The following CDKL4 variants were observed in gnomAD, a reference collection of about 807,000 sequenced individuals.
CDKL4 encodes the protein cyclin dependent kinase like 4.
Under a neutral mutation model 42.0 loss-of-function variants are expected in CDKL4, and 44 were observed. That is an observed-to-expected ratio of 1.05 (90% confidence interval 0.82 to 1.35). CDKL4 has a LOEUF of 1.35. Among genes scored for constraint, CDKL4 ranks in the 40% most tolerant of loss-of-function variants. The pLI, the probability that CDKL4 is intolerant of heterozygous loss-of-function variation, is 0.00. For missense variants in CDKL4, 393 were observed against 369.9 expected, an observed-to-expected ratio of 1.06 and a Z score of -0.51; for synonymous variants, 120 against 121.6, an observed-to-expected ratio of 0.99 and a Z score of 0.09.
downstream of CDKL4, among the ~76,000 whole-genome samples, chr2:39,172,236 C>A (rs545592126): frequency 1.3e-5 from 2 of 151,206 alleles, no homozygotes; most frequent in African/African-American, 2.4e-5. Flanking sequence ...CATTTGACCC[C>A]GGGAGGCAGA....
At chr2:39,210,303 T>G (rs982282496) in intron 4 of CDKL4, among the ~76,000 whole-genome samples, 7 of 152,200 alleles carry the variant, frequency 4.6e-5, no homozygotes, top group African/African-American at 1.7e-4. Flanking sequence ...AAAAATTACC[T>G]ATTTTTAATA....
At chr2:39,229,101 G>A (rs2148392629) in intron 2 of CDKL4, among the ~76,000 whole-genome samples, 1 of 152,216 alleles carries the variant, frequency 6.6e-6, no homozygotes, top group Admixed American at 6.5e-5. Context: ...GGGGGCGAGC[G>A]TAAACACTGG....
At chr2:39,169,380 G>T in the CDKL4 span, among the ~76,000 whole-genome samples, 8 of 152,310 alleles carry the variant, frequency 5.3e-5, no homozygotes, top group South Asian at 1.0e-3. Flanking sequence ...AGCTAGTAGG[G>T]TGTAGTCGTG....
At chr2:39,195,078 G>T (rs953706296) in intron 5 of CDKL4, among the ~76,000 whole-genome samples, 1 of 152,064 alleles carries the variant, frequency 6.6e-6, no homozygotes, top group South Asian at 2.1e-4. Context: ...GTCCTTTTCT[G>T]TCTGTCTTAT....
chr2:39,217,070 G>C (rs1339248760), intron 3 of CDKL4, among the ~76,000 whole-genome samples: 1 of 152,140 alleles, frequency 6.6e-6, no homozygotes, highest in African/African-American at 2.4e-5. Context: ...ATCAAAGAGA[G>C]TACACATCGA....
At chr2:39,212,845 G>C (rs900564173) in intron 4 of CDKL4, among the ~76,000 whole-genome samples, 1 of 151,816 alleles carries the variant, frequency 6.6e-6, no homozygotes, top group Non-Finnish European at 1.5e-5. Context: ...TTTTTTCATA[G>C]AGATAGAGTT....
chr2:39,242,588 A>G (rs1466343852), intron 1 of CDKL4, among the ~76,000 whole-genome samples: 25 of 152,200 alleles, frequency 1.6e-4, no homozygotes, highest in Admixed American at 1.6e-3. Flanking sequence ...AAGGGTTTGC[A>G]AAATGATGTA....
upstream of CDKL4, among the ~76,000 whole-genome samples, chr2:39,244,308 G>T (rs1041351079): frequency 1.3e-5 from 2 of 152,250 alleles, no homozygotes; most frequent in Non-Finnish European, 2.9e-5. Flanking sequence ...GGCTGCGCAC[G>T]GCGCTTGCGG....
intron 5 of CDKL4, among the ~76,000 whole-genome samples, chr2:39,203,479 G>A (rs995593639): frequency 1.3e-5 from 2 of 152,092 alleles, no homozygotes; most frequent in Admixed American, 6.5e-5. Context: ...CTATGACACC[G>A]CATCTATACC....
Position 39,201,219 on chromosome 2 carries a change from A to T in CDKL4, c.454+3308T>A, listed in dbSNP as rs56784022. Among the ~76,000 whole-genome samples, 203 of 152,212 alleles carry T rather than the reference A, an allele frequency of 1.3e-3. 3 individuals are homozygous for T. In the East Asian group the frequency reaches 0.02, roughly 15 times the overall value. ...AACAAAAACATGAAAAAAATGCTCA[A>T]CATCACTAATTATCAGGGAAACGCA... On this transcript the variant is annotated intron_variant, in intron 5 of 9. Transcript: ENST00000451199.
upstream of CDKL4, among the ~76,000 whole-genome samples, chr2:39,245,067 C>T (rs765162513): frequency 6.6e-6 from 1 of 152,160 alleles, no homozygotes; most frequent in Non-Finnish European, 1.5e-5. Context: ...GTGGGTGGGA[C>T]CAAATAAGAG....
the CDKL4 span, among the ~76,000 whole-genome samples, chr2:39,168,809 T>A: frequency 5.1e-4 from 77 of 150,142 alleles, no homozygotes; most frequent in African/African-American, 1.8e-3. Context: ...CAGGCTGGAG[T>A]GCAGTGGCGC....
In CDKL4 at chr2:39,176,920, T is replaced by C. The variant is rs144454240; in HGVS notation, c.928-824A>G. 1.6e-3 allele frequency among the ~76,000 whole-genome samples: 237 copies of C among 152,284 alleles called. 2 individuals carry two copies. The highest frequency in any genetic ancestry group is 5.1e-3 in the African/African-American group (210 of 41,566). On this transcript the variant is annotated intron_variant, in intron 9 of 9. Transcript: ENST00000451199. The stretch of plus-strand genomic sequence containing the variant: ...GTGTCTTCTGAAGGAACACCAGAAC[T>C]TGAAAGGCACCCCTGTCTTTCTCTT...
chr2:39,229,088 G>A (rs1232893674), intron 2 of CDKL4, among the ~76,000 whole-genome samples: 1 of 151,994 alleles, frequency 6.6e-6, no homozygotes, highest in Non-Finnish European at 1.5e-5. Flanking sequence ...GAGGGCCAGG[G>A]TTGGGGGCGA....
exon 3 of CDKL4, chr2:39,225,864 T>A (rs1213473956): frequency 1.9e-6 from 3 of 1,606,316 alleles, no homozygotes; most frequent in Non-Finnish European, 2.5e-6. Flanking sequence ...TCCAGCTCAT[T>A]TAAAAGTGTA....
chr2:39,241,840 G>A (rs537362300), intron 1 of CDKL4, among the ~76,000 whole-genome samples: 1 of 152,134 alleles, frequency 6.6e-6, no homozygotes, highest in East Asian at 1.9e-4. Context: ...GCACATAGTG[G>A]ACCTCCGCTG....
At chr2:39,244,352 C>T (rs1420460452), upstream of CDKL4, among the ~76,000 whole-genome samples, 1 of 152,190 alleles carries the variant, frequency 6.6e-6, no homozygotes, top group Admixed American at 6.5e-5. Flanking sequence ...GTGGGCTTGG[C>T]GGGCCCCGCA....
At chr2:39,178,954 G>A (rs984144419) in intron 9 of CDKL4, 32 of 1,441,324 alleles carry the variant, frequency 2.2e-5, no homozygotes, top group East Asian at 5.0e-5. Context: ...AAAGAGTTGC[G>A]TAACGATTTG....
chr2:39,238,262 C>G (rs116909777), intron 1 of CDKL4, among the ~76,000 whole-genome samples: 1 of 152,038 alleles, frequency 6.6e-6, no homozygotes, highest in East Asian at 1.9e-4. Flanking sequence ...GAGACCCTAT[C>G]TCTAAAAAAA....
Sources: allele counts gnomAD v4.1 joint callset (sites outside exome capture counted in the v4.1 genomes callset), GRCh38; gene constraint gnomAD v4.1.1; transcripts MANE v1.5; gene names NCBI Gene and HGNC (gene_info 2026-07-23, HGNC 2026-07-21).